The following LINGO2 variants were observed in gnomAD, a reference collection of about 807,000 sequenced individuals.
LINGO2 encodes leucine rich repeat and Ig domain containing 2.
A neutral mutation model predicts 30.6 loss-of-function variants in LINGO2; 14 were observed. The observed-to-expected ratio is 0.46, with a 90% confidence interval of 0.30 to 0.72. The LOEUF (loss-of-function observed/expected upper bound fraction) is 0.72. Among genes scored for constraint, LINGO2 ranks in the 30% least tolerant of loss-of-function variants. The pLI is 0.07. For missense variants in LINGO2, 729 were observed against 751.7 expected (o/e 0.97, Z 0.35); for synonymous variants, 317 against 288.5 (o/e 1.10, Z -1.00).
chr9:28,741,988 A>G, the LINGO2 span, among the ~76,000 whole-genome samples: 2 of 151,634 alleles, frequency 1.3e-5, no homozygotes, highest in African/African-American at 4.9e-5. Context: ...CCAGAAACTA[A>G]ATCTTCAGGG....
At chr9:28,836,473 C>A in the LINGO2 span, among the ~76,000 whole-genome samples, 3 of 152,032 alleles carry the variant, frequency 2.0e-5, no homozygotes, top group Non-Finnish European at 4.4e-5. Context: ...CACCACCACA[C>A]CCAGCTAATT....
At chr9:28,390,974 A>G (rs1821807856) in intron 2 of LINGO2, among the ~76,000 whole-genome samples, 1 of 152,170 alleles carries the variant, frequency 6.6e-6, no homozygotes, top group Admixed American at 6.5e-5. Flanking sequence ...ATACAGATGT[A>G]AAAGTTATCT....
intron 4 of LINGO2, among the ~76,000 whole-genome samples, chr9:28,019,324 T>TTG (rs1339456105): frequency 2.8e-5 from 4 of 144,582 alleles, no homozygotes; most frequent in Non-Finnish European, 6.1e-5. Flanking sequence ...TATATGTTTT[T>TTG]TTTTTTCCAT....
chr9:28,059,360 C>T (rs762218224), intron 4 of LINGO2, among the ~76,000 whole-genome samples: 4 of 152,168 alleles, frequency 2.6e-5, no homozygotes, highest in Non-Finnish European at 5.9e-5. Context: ...GATGCCCCCC[C>T]ACCCCACCGG....
chr9:28,321,211 A>G (rs937505523), intron 3 of LINGO2, among the ~76,000 whole-genome samples: 1 of 152,172 alleles, frequency 6.6e-6, no homozygotes, highest in African/African-American at 2.4e-5. Context: ...TTGAGAAAAT[A>G]CCCAAACAAA....
chr9:28,026,509 T>G (rs192275950), intron 4 of LINGO2, among the ~76,000 whole-genome samples: 1 of 152,316 alleles, frequency 6.6e-6, no homozygotes, highest in East Asian at 1.9e-4. Flanking sequence ...AGTCACACTT[T>G]GAGAACCACA....
At chr9:29,091,361 A>T in the LINGO2 span, among the ~76,000 whole-genome samples, 1 of 152,050 alleles carries the variant, frequency 6.6e-6, no homozygotes, top group South Asian at 2.1e-4. Flanking sequence ...TATTGTGAGG[A>T]ATAGGAAGAG....
chr9:28,910,073 C>T, the LINGO2 span, among the ~76,000 whole-genome samples: 2 of 151,978 alleles, frequency 1.3e-5, no homozygotes, highest in Non-Finnish European at 2.9e-5. Context: ...TCCTCTAATG[C>T]TAATTAAATT....
At chr9:28,386,276 T>C (rs1040827033) in intron 2 of LINGO2, among the ~76,000 whole-genome samples, 2 of 152,170 alleles carry the variant, frequency 1.3e-5, no homozygotes, top group Non-Finnish European at 2.9e-5. Context: ...GCAAACTTTC[T>C]AGCTGGGCAA....
chr9:28,369,021 T>A (rs1355125756), intron 3 of LINGO2, among the ~76,000 whole-genome samples: 1 of 152,216 alleles, frequency 6.6e-6, no homozygotes, highest in Non-Finnish European at 1.5e-5. Flanking sequence ...GGTAGTTGCC[T>A]GGCTTCATGA....
In LINGO2 at chr9:28,148,501, G is replaced by A. The variant is rs898769480; in HGVS notation, c.-86-136096C>T. ...ACCAGGTAGAGACCCAGGGGCAGGA[G>A]GACAATAAAAGGGGCCCCTGTAGCA... On this transcript the variant is annotated intron_variant, in intron 4 of 5. Transcript: ENST00000379992. This position sits in a 1 kb window ranked among gnomAD's most constrained non-coding sequence, Gnocchi z 5.1. 4 of 1,455,036 alleles carry A rather than the reference G, an allele frequency of 2.7e-6. No individual in the cohort carries two copies. The Admixed American group carries it at 7.9e-5, about 29-fold the overall frequency. The allele number at this position is 1,455,036 out of a possible 1,614,324, so 90.1% of individuals were successfully genotyped here. A position where few individuals can be genotyped will look rare whatever the true frequency, so the allele number is the denominator to read the frequency against.
chr9:28,578,096 A>T (rs749650698), intron 1 of LINGO2, among the ~76,000 whole-genome samples: 11 of 152,198 alleles, frequency 7.2e-5, no homozygotes, highest in Non-Finnish European at 1.5e-4. Flanking sequence ...ACTTTGATGT[A>T]GCTATAATGA....
the LINGO2 span, among the ~76,000 whole-genome samples, chr9:29,005,944 GA>G: frequency 6.6e-6 from 1 of 151,698 alleles, no homozygotes; most frequent in Non-Finnish European, 1.5e-5. Flanking sequence ...TGACAGATAC[GA>G]GACCAATGGA....
intron 1 of LINGO2, among the ~76,000 whole-genome samples, chr9:28,632,854 T>TATA (rs1563878982): frequency 3.3e-4 from 27 of 83,044 alleles, no homozygotes; most frequent in African/African-American, 2.0e-3. Context: ...TATATATATT[T>TATA]TTTATATATA....
At chr9:28,430,762 T>C (rs979233310) in intron 2 of LINGO2, among the ~76,000 whole-genome samples, 1 of 152,120 alleles carries the variant, frequency 6.6e-6, no homozygotes, top group Non-Finnish European at 1.5e-5. Context: ...TTACAGTTTC[T>C]ATATGCCAGG....
At chr9:29,046,870 G>A in the LINGO2 span, among the ~76,000 whole-genome samples, 3 of 151,994 alleles carry the variant, frequency 2.0e-5, no homozygotes, top group Admixed American at 1.3e-4. Context: ...CTCGAGGTCA[G>A]GAGTTTGAGA....
chr9:28,298,695 A>G (rs1346504555), intron 3 of LINGO2, among the ~76,000 whole-genome samples: 1 of 152,008 alleles, frequency 6.6e-6, no homozygotes. Flanking sequence ...AAAAAAAAAA[A>G]AAAATCAGAA....
chr9:28,312,768 A>T (rs972976425), intron 3 of LINGO2, among the ~76,000 whole-genome samples: 2 of 152,158 alleles, frequency 1.3e-5, no homozygotes, highest in Non-Finnish European at 2.9e-5. Context: ...GCTTATTGTC[A>T]TTGCTGTTTC....
intron 2 of LINGO2, among the ~76,000 whole-genome samples, chr9:28,436,462 A>C (rs867217632): frequency 7.9e-6 from 1 of 126,748 alleles, no homozygotes; most frequent in African/African-American, 2.8e-5. Context: ...TTATTTATTT[A>C]TTTATTTATT....
Sources: allele counts gnomAD v4.1 joint callset (sites outside exome capture counted in the v4.1 genomes callset), GRCh38; gene constraint gnomAD v4.1.1; non-coding constraint Gnocchi (gnomAD v3.1); transcripts MANE v1.5; gene names NCBI Gene and HGNC (gene_info 2026-07-23, HGNC 2026-07-21).